Variants in SLC36A1 observed in about 807,000 individuals in gnomAD.
SLC36A1 encodes the protein proton-coupled amino acid transporter 1.
Under a neutral mutation model 47.5 loss-of-function variants are expected in SLC36A1, and 30 were observed. The ratio of observed to expected loss-of-function variants is 0.63; its 90% confidence interval spans 0.47 to 0.86. The LOEUF is 0.86. Ranked by LOEUF, SLC36A1 falls within the 40% of genes least tolerant of loss-of-function variation. The probability of loss-of-function intolerance (pLI) is 0.00; values close to 1 mark genes in which losing one functional copy is unlikely to be tolerated. For missense variants in SLC36A1, 517 were observed against 606.0 expected (o/e 0.85, Z 1.54); for synonymous variants, 255 against 249.7 (o/e 1.02, Z -0.20).
chr5:151,395,545 A>G, the SLC36A1 span, among the ~76,000 whole-genome samples: 1 of 152,110 alleles, frequency 6.6e-6, no homozygotes, highest in African/African-American at 2.4e-5. Flanking sequence ...GCCATCTTGG[A>G]GCCACCTCCC....
chr5:151,463,627 A>G lies in SLC36A1; in HGVS notation c.218A>G (p.Lys73Arg). ...CTCCTGGGACTCCCTCTGGCGGTGA[A>G]AAATGCAGGCATCGTGGTAAGGGTC... ...TGLLGLPLAV[K>R]NAGIVMGPIS... Residue 73 changes from lysine to arginine, a missense_variant, in exon 3 of 11, where the codon AAA becomes AGA. Lys to Arg is a conservative substitution (Grantham distance 26). Transcript: ENST00000243389. The G allele has an allele frequency of 6.2e-7, 1 of 1,614,154 alleles. No individual in the cohort carries two copies. The highest frequency in any genetic ancestry group is 1.1e-5 in the South Asian group (1 of 91,086).
At chr5:151,537,290 GGA>G in the SLC36A1 span, among the ~76,000 whole-genome samples, 234 of 147,194 alleles carry the variant, frequency 1.6e-3, no homozygotes, top group African/African-American at 5.7e-3. Flanking sequence ...AGGAGGAGGA[GGA>G]GGAGGGAGAG....
chr5:151,481,687 A>C (rs1282044801), intron 10 of SLC36A1, among the ~76,000 whole-genome samples: 1 of 150,346 alleles, frequency 6.7e-6, no homozygotes, highest in Non-Finnish European at 1.5e-5. Flanking sequence ...ACTCTCCCCC[A>C]TCCTCCAAAG....
chr5:151,488,236 C>T lies in SLC36A1; in HGVS notation c.1413C>T (p.Ser471=). 6.2e-7 allele frequency: 1 copy of T among 1,614,116 alleles called. No homozygotes were observed. ...QPSNAPIFIN[S]TCAFI ...GCAATGCTCCCATCTTCATCAATTC[C>T]ACCTGTGCCTTCATATAGGGATCTG... Residue 471 remains serine (S), a synonymous_variant, in exon 11 of 11, where the codon TCC becomes TCT. Coordinates refer to ENST00000243389, the MANE Select transcript of SLC36A1 (RefSeq NM_078483.4).
chr5:151,464,775 G>T (rs1429989879), intron 4 of SLC36A1, among the ~76,000 whole-genome samples, 173 bp downstream of exon 4: 1 of 152,068 alleles, frequency 6.6e-6, no homozygotes, highest in East Asian at 1.9e-4. Flanking sequence ...TTCTTTTCTG[G>T]CTCATTATCA....
chr5:151,424,756 T>C, the SLC36A1 span, among the ~76,000 whole-genome samples: 3 of 151,906 alleles, frequency 2.0e-5, no homozygotes, highest in Non-Finnish European at 4.4e-5. Flanking sequence ...CTTACAAAAT[T>C]GTTTAATTTA....
intron 4 of SLC36A1, among the ~76,000 whole-genome samples, 161 bp downstream of exon 4, chr5:151,464,763 C>T (rs757975694): frequency 6.6e-6 from 1 of 152,152 alleles, no homozygotes; most frequent in Non-Finnish European, 1.5e-5. Flanking sequence ...GTTATTTTTG[C>T]GTTCTTTTCT....
the SLC36A1 span, among the ~76,000 whole-genome samples, chr5:151,552,992 G>A: frequency 1.1e-4 from 16 of 152,254 alleles, no homozygotes; most frequent in Admixed American, 2.0e-4. Flanking sequence ...CTTGGCAGAC[G>A]TGGCATTCTT....
the SLC36A1 span, chr5:151,380,763 T>C: frequency 1.9e-6 from 1 of 537,012 alleles, no homozygotes; most frequent in Non-Finnish European, 3.8e-6. Context: ...TGCAGACAGA[T>C]GGTGGACATT....
the SLC36A1 span, chr5:151,545,039 G>T: frequency 6.2e-7 from 1 of 1,613,950 alleles, no homozygotes; most frequent in African/African-American, 1.3e-5. Flanking sequence ...TGCTGCTCCC[G>T]GTCAAACGCC....
At chr5:151,385,898 G>T in the SLC36A1 span, among the ~76,000 whole-genome samples, 1 of 141,088 alleles carries the variant, frequency 7.1e-6, no homozygotes, top group East Asian at 2.1e-4. Context: ...TTGAGACAGA[G>T]TCTTGCACTG....
In SLC36A1 at chr5:151,458,968, G is replaced by A. The variant is rs754124600; in HGVS notation, c.143+33G>A. On this transcript the variant is annotated intron_variant, in intron 2 of 10. Coordinates refer to ENST00000243389, the MANE Select transcript of SLC36A1 (RefSeq NM_078483.4). ...GCTGTTACCTTCTCCTCTCCTGGGT[G>A]GGATTCGTGTTCCTAAGCCTCCCTT... 2.8e-5 allele frequency: 44 copies of A among 1,580,070 alleles called. 1 individual carries two copies. The South Asian group carries it at 4.7e-4, about 17-fold the overall frequency.
the SLC36A1 span, chr5:151,537,712 C>T: frequency 3.0e-5 from 42 of 1,396,160 alleles, no homozygotes; most frequent in Non-Finnish European, 3.9e-5. Context: ...TGTTTCTTCT[C>T]CAAGGAGAAT....
chr5:151,537,297 GGA>G, the SLC36A1 span, among the ~76,000 whole-genome samples: 4 of 143,064 alleles, frequency 2.8e-5, no homozygotes, highest in Admixed American at 7.2e-5. Context: ...GGAGGAGGAG[GGA>G]GAGAGGGAAG....
the SLC36A1 span, among the ~76,000 whole-genome samples, chr5:151,497,499 C>G: frequency 6.6e-6 from 1 of 152,066 alleles, no homozygotes; most frequent in African/African-American, 2.4e-5. Context: ...TTTCACTCAC[C>G]CTGATATTTA....
At chr5:151,421,934 CTG>C in the SLC36A1 span, among the ~76,000 whole-genome samples, 7 of 152,128 alleles carry the variant, frequency 4.6e-5, no homozygotes, top group South Asian at 2.1e-4. Context: ...ATTTTTTAAA[CTG>C]TGTAGAAAGT....
At chr5:151,537,315 GAA>G in the SLC36A1 span, among the ~76,000 whole-genome samples, 1,271 of 71,612 alleles carry the variant, frequency 0.018, 14 homozygotes, top group Admixed American at 0.032. Context: ...GGAAGAAAAA[GAA>G]AGAGAAAAAA....
At chr5:151,352,965 G>C in the SLC36A1 span, among the ~76,000 whole-genome samples, 116 of 152,304 alleles carry the variant, frequency 7.6e-4, no homozygotes, top group African/African-American at 2.5e-3. Flanking sequence ...TTACTTCAGG[G>C]TATGGGGCTA....
the SLC36A1 span, among the ~76,000 whole-genome samples, chr5:151,407,660 A>G: frequency 6.6e-6 from 1 of 152,226 alleles, no homozygotes; most frequent in East Asian, 1.9e-4. Context: ...CCACACAAGC[A>G]TTTAAACCTC....
Sources: allele counts gnomAD v4.1 joint callset (sites outside exome capture counted in the v4.1 genomes callset), GRCh38; gene constraint gnomAD v4.1.1; transcripts MANE v1.5; gene names NCBI Gene and HGNC (gene_info 2026-07-23, HGNC 2026-07-21).